MYRIP: variants seen among roughly 807,000 people sequenced by gnomAD.
MYRIP encodes myosin VIIA and Rab interacting protein, also known as rab effector MyRIP.
In MYRIP, 49 loss-of-function variants were observed where a neutral mutation model predicts 98.0. The ratio of observed to expected loss-of-function variants is 0.50; its 90% confidence interval spans 0.40 to 0.63. The LOEUF (loss-of-function observed/expected upper bound fraction) is 0.63, where lower values mean the gene tolerates loss of function less well. Among genes scored for constraint, MYRIP ranks in the 30% least tolerant of loss-of-function variants. MYRIP has a pLI of 0.00. For missense variants in MYRIP, 1,004 were observed against 1,058.2 expected, an observed-to-expected ratio of 0.95 and a Z score of 0.71; for synonymous variants, 404 against 409.5, an observed-to-expected ratio of 0.99 and a Z score of 0.16.
chr3:40,107,192 G>A (rs1949065700), intron 3 of MYRIP, among the ~76,000 whole-genome samples: 1 of 152,210 alleles, frequency 6.6e-6, no homozygotes, highest in African/African-American at 2.4e-5. Context: ...ACCTGCTGGG[G>A]ACCAGGCACC....
intron 1 of MYRIP, among the ~76,000 whole-genome samples, chr3:39,886,824 T>G (rs530380618): frequency 6.6e-6 from 1 of 151,478 alleles, no homozygotes; most frequent in Non-Finnish European, 1.5e-5. Context: ...GAACTCAGCT[T>G]TGCACCAAGC....
intron 2 of MYRIP, among the ~76,000 whole-genome samples, chr3:40,009,260 G>A (rs1010949577): frequency 1.4e-5 from 2 of 145,634 alleles, no homozygotes; most frequent in Non-Finnish European, 3.0e-5. Flanking sequence ...TTTTTGAGAC[G>A]GAGTCTCACT....
In MYRIP at chr3:40,202,419, G is replaced by T. The variant is rs530445140; in HGVS notation, c.1666-7435G>T. On this transcript the variant is annotated intron_variant, in intron 10 of 16. Coordinates refer to ENST00000302541, the MANE Select transcript of MYRIP (RefSeq NM_015460.4). ...AAAATGTTTTTAATTACGGTAGGCT[G>T]GATTTCAATGTGCGCAGATCACTGG... Among the ~76,000 whole-genome samples the T allele has an allele frequency of 1.4e-4, 22 of 152,192 alleles. No homozygotes were observed. The South Asian group carries it at 4.0e-3, about 27-fold the overall frequency.
chr3:40,191,350 G>A lies in MYRIP; in HGVS notation c.1665+887G>A, dbSNP rs144119576. 3.3e-5 allele frequency among the ~76,000 whole-genome samples: 5 copies of A among 152,216 alleles called. No homozygotes were observed. In the East Asian group the frequency reaches 9.7e-4, roughly 29 times the overall value. On this transcript the variant is annotated intron_variant, in intron 10 of 16. Coordinates refer to ENST00000302541, the MANE Select transcript of MYRIP (RefSeq NM_015460.4). Reference sequence around the variant, plus strand: ...TTCCCAGCCCTGTGACTTTGATTGTGCTATGCCCTTGCCCTTGCCCCCACC... The same window carrying A: ...TTCCCAGCCCTGTGACTTTGATTGTACTATGCCCTTGCCCTTGCCCCCACC...
chr3:39,927,600 G>A (rs535103300), intron 2 of MYRIP, among the ~76,000 whole-genome samples: 3 of 151,974 alleles, frequency 2.0e-5, no homozygotes, highest in South Asian at 2.1e-4. Context: ...ATTCACAGCC[G>A]AATTCTGCCA....
intron 1 of MYRIP, among the ~76,000 whole-genome samples, chr3:39,887,871 T>C (rs1397201027): frequency 1.3e-5 from 2 of 152,058 alleles, no homozygotes; most frequent in African/African-American, 4.8e-5. Flanking sequence ...ACAAGCATTC[T>C]TCTACACCAA....
chr3:39,935,298 A>G (rs2125703828), intron 2 of MYRIP, among the ~76,000 whole-genome samples: 2 of 152,276 alleles, frequency 1.3e-5, no homozygotes, highest in South Asian at 4.1e-4. Flanking sequence ...TTTTGAAGGT[A>G]TGGAAACACT....
intron 2 of MYRIP, among the ~76,000 whole-genome samples, chr3:40,032,998 G>A (rs1306962655): frequency 6.6e-6 from 1 of 151,638 alleles, no homozygotes. Flanking sequence ...ATGCAGAAAA[G>A]GCCTTTGAAA....
chr3:40,086,172 C>A (rs1559394800), intron 3 of MYRIP, among the ~76,000 whole-genome samples: 1 of 152,134 alleles, frequency 6.6e-6, no homozygotes, highest in African/African-American at 2.4e-5. Flanking sequence ...AAAGAATTTT[C>A]AAAATCTAGG....
chr3:39,977,754 A>T (rs1945792668), intron 2 of MYRIP, among the ~76,000 whole-genome samples: 1 of 152,142 alleles, frequency 6.6e-6, no homozygotes, highest in African/African-American at 2.4e-5. Context: ...TATCCTATGT[A>T]CCTTCTGCCC....
At chr3:39,935,218 A>G (rs1310531881) in intron 2 of MYRIP, among the ~76,000 whole-genome samples, 2 of 152,114 alleles carry the variant, frequency 1.3e-5, no homozygotes, top group Non-Finnish European at 1.5e-5. Context: ...GCAGATAAAG[A>G]TAGAGTGAAG....
chr3:40,136,012 G>A (rs1415067745), intron 3 of MYRIP, among the ~76,000 whole-genome samples: 1 of 152,158 alleles, frequency 6.6e-6, no homozygotes, highest in East Asian at 1.9e-4. Flanking sequence ...CATAATGACA[G>A]GATCAAATTC....
chr3:40,223,240 C>A (rs925664995), intron 11 of MYRIP, among the ~76,000 whole-genome samples: 12 of 79,510 alleles, frequency 1.5e-4, no homozygotes, highest in African/African-American at 4.8e-4. Flanking sequence ...GTCTAAAAAT[C>A]AAAACCATCT....
chr3:40,037,709 C>G (rs1473551763), intron 2 of MYRIP, among the ~76,000 whole-genome samples: 1 of 152,064 alleles, frequency 6.6e-6, no homozygotes, highest in Non-Finnish European at 1.5e-5. Flanking sequence ...GCAGAGCTGA[C>G]TTTTCCCTCT....
chr3:40,078,837 G>A (rs192435903), intron 3 of MYRIP, among the ~76,000 whole-genome samples: 11 of 152,320 alleles, frequency 7.2e-5, no homozygotes, highest in Middle Eastern at 3.4e-3. Flanking sequence ...CAGACTGCCC[G>A]TTCTGCTGAA....
At chr3:40,057,594 CT>C (rs953164594) in intron 3 of MYRIP, among the ~76,000 whole-genome samples, 3 of 152,190 alleles carry the variant, frequency 2.0e-5, no homozygotes, top group Admixed American at 6.5e-5. Flanking sequence ...CAGACCACCC[CT>C]GTCCCAGAAC....
intron 2 of MYRIP, among the ~76,000 whole-genome samples, chr3:39,946,602 A>G (rs1397023381): frequency 6.6e-6 from 1 of 152,192 alleles, no homozygotes; most frequent in Non-Finnish European, 1.5e-5. Flanking sequence ...CCCAGCCAAC[A>G]GCTGGAAGAC....
At chr3:39,809,474 C>A (rs1304194663), upstream of MYRIP, 1 of 147,406 alleles carries the variant, frequency 6.8e-6, no homozygotes, top group Non-Finnish European at 1.5e-5. Flanking sequence ...TGCCCCGGCG[C>A]AGGCGCGATC....
intron 3 of MYRIP, among the ~76,000 whole-genome samples, chr3:40,099,715 G>A (rs968904375): frequency 6.6e-6 from 1 of 152,156 alleles, no homozygotes; most frequent in Non-Finnish European, 1.5e-5. Context: ...TTTGAAGCAT[G>A]TTTGTATTAA....
Sources: gnomAD v4.1 joint callset for allele counts (sites outside exome capture counted in the v4.1 genomes callset) on GRCh38, gnomAD v4.1.1 for gene constraint, MANE v1.5 for transcripts, NCBI Gene and HGNC (gene_info 2026-07-23, HGNC 2026-07-21) for gene names.